GRM8: variants seen among roughly 807,000 people sequenced by gnomAD.
GRM8 encodes the protein glutamate metabotropic receptor 8, also known as metabotropic glutamate receptor 8.
A neutral mutation model predicts 87.2 loss-of-function variants in GRM8; 47 were observed. The observed-to-expected ratio is 0.54, with a 90% CI of 0.43 to 0.69. GRM8 has a LOEUF of 0.69. Among genes scored for constraint, GRM8 ranks in the 30% least tolerant of loss-of-function variants. GRM8 has a pLI of 0.00. For synonymous variants in GRM8, 396 were observed against 404.5 expected, an observed-to-expected ratio of 0.98 and a Z score of 0.25; for missense variants, 1,019 against 1,139.2, an observed-to-expected ratio of 0.89 and a Z score of 1.52.
At chr7:126,989,669 C>T (rs1388342763) in intron 3 of GRM8, among the ~76,000 whole-genome samples, 6 of 152,194 alleles carry the variant, frequency 3.9e-5, no homozygotes, top group South Asian at 2.1e-4. Flanking sequence ...GGGCTGGGCA[C>T]GGTGGCTCAT....
intron 6 of GRM8, among the ~76,000 whole-genome samples, chr7:126,825,250 T>C (rs1449884753): frequency 6.6e-6 from 1 of 152,100 alleles, no homozygotes; most frequent in Non-Finnish European, 1.5e-5. Context: ...GTATTTTTAG[T>C]AGAGACAGGG....
intron 2 of GRM8, among the ~76,000 whole-genome samples, chr7:127,230,813 T>C (rs1797640950): frequency 6.6e-6 from 1 of 151,730 alleles, no homozygotes; most frequent in African/African-American, 2.4e-5. Flanking sequence ...CTTCCAGAAA[T>C]GTGAGGGGAA....
chr7:126,792,411 C>A (rs941916741), intron 6 of GRM8, among the ~76,000 whole-genome samples: 3 of 152,186 alleles, frequency 2.0e-5, no homozygotes, highest in Non-Finnish European at 2.9e-5. Flanking sequence ...AGTCTCTCCC[C>A]AGCCCTGCTT....
chr7:126,713,916 TTAAA>T (rs1811418302), intron 7 of GRM8, among the ~76,000 whole-genome samples: 1 of 151,760 alleles, frequency 6.6e-6, no homozygotes, highest in Non-Finnish European at 1.5e-5. Context: ...CATTTTTAAA[TTAAA>T]TAAATAAATG....
rs151231846 is a variant in GRM8, at chr7:126,442,280, G to T, written c.2678-3112C>A. On this transcript the variant is annotated intron_variant, in intron 10 of 10. Transcript: ENST00000339582. ...AACCTTTCCAAAAGGTAAAATATTT[G>T]TTACATTTGGTTTGGTGTGAAGTGA... Among the ~76,000 whole-genome samples, 76 of 151,878 alleles carry T rather than the reference G, an allele frequency of 5.0e-4. No individual in the cohort carries two copies. In the East Asian group the frequency reaches 0.013, roughly 27 times the overall value.
chr7:126,745,511 G>A (rs1585755789), intron 7 of GRM8, among the ~76,000 whole-genome samples: 1 of 150,996 alleles, frequency 6.6e-6, no homozygotes, highest in Middle Eastern at 3.4e-3. Context: ...ATATTCCACA[G>A]AGAGCTCTCA....
At chr7:126,525,084 T>C (rs1435100163) in intron 9 of GRM8, among the ~76,000 whole-genome samples, 1 of 152,190 alleles carries the variant, frequency 6.6e-6, no homozygotes, top group Non-Finnish European at 1.5e-5. Flanking sequence ...AGAATTATAA[T>C]GGGAGGACCA....
chr7:126,742,581 G>A (rs1407249841), intron 7 of GRM8, among the ~76,000 whole-genome samples: 2 of 151,756 alleles, frequency 1.3e-5, no homozygotes, highest in Non-Finnish European at 2.9e-5. Flanking sequence ...AATCAACCAC[G>A]CCAAATATTT....
intron 1 of GRM8, among the ~76,000 whole-genome samples, chr7:127,244,425 G>A (rs1419577135): frequency 6.6e-6 from 1 of 152,114 alleles, no homozygotes; most frequent in East Asian, 1.9e-4. Context: ...TTTTTCCTAC[G>A]GCCTTCACCC....
intron 7 of GRM8, among the ~76,000 whole-genome samples, chr7:126,711,088 T>C (rs1811050471): frequency 6.6e-6 from 1 of 152,212 alleles, no homozygotes; most frequent in Non-Finnish European, 1.5e-5. Flanking sequence ...GGCATGAGAA[T>C]CGCTTGAACC....
At chr7:127,043,084 G>A (rs112405366) in intron 3 of GRM8, among the ~76,000 whole-genome samples, 2 of 152,110 alleles carry the variant, frequency 1.3e-5, no homozygotes, top group South Asian at 2.1e-4. Flanking sequence ...CACACCAGTT[G>A]GAATGGCGAT....
intron 6 of GRM8, among the ~76,000 whole-genome samples, chr7:126,831,748 T>C (rs1229114875): frequency 6.6e-6 from 1 of 152,094 alleles, no homozygotes; most frequent in Admixed American, 6.5e-5. Context: ...GTACCTCAGA[T>C]GGAAATGCAG....
intron 3 of GRM8, among the ~76,000 whole-genome samples, chr7:126,997,613 T>C (rs1484946328): frequency 6.7e-6 from 1 of 149,874 alleles, no homozygotes; most frequent in African/African-American, 2.4e-5. Context: ...TTACAACTGA[T>C]ACAACAGGAA....
At chr7:127,170,588 C>A (rs571491835) in intron 2 of GRM8, among the ~76,000 whole-genome samples, 1 of 152,266 alleles carries the variant, frequency 6.6e-6, no homozygotes, top group South Asian at 2.1e-4. Context: ...ATGGAACCAG[C>A]CCAAATCCCC....
At chr7:126,885,208 T>C (rs567632723) in intron 6 of GRM8, among the ~76,000 whole-genome samples, 82 of 152,314 alleles carry the variant, frequency 5.4e-4, no homozygotes, top group Non-Finnish European at 8.4e-4. Flanking sequence ...TATCCATGAA[T>C]GATGGTTGCA....
At chr7:126,771,401 G>A (rs997103292) in intron 6 of GRM8, among the ~76,000 whole-genome samples, 5 of 151,786 alleles carry the variant, frequency 3.3e-5, no homozygotes, top group Admixed American at 6.6e-5. Context: ...GGTCTGTCAT[G>A]ATGCTGAATT....
chr7:126,734,234 G>A (rs929352343), intron 7 of GRM8, among the ~76,000 whole-genome samples: 2 of 151,966 alleles, frequency 1.3e-5, no homozygotes, highest in African/African-American at 2.4e-5. Flanking sequence ...AAGTTGATCT[G>A]TAAGTTTATC....
At chr7:126,900,701 G>A in intron 6 of GRM8, among the ~76,000 whole-genome samples, 1 of 152,046 alleles carries the variant, frequency 6.6e-6, no homozygotes, top group South Asian at 2.1e-4. Context: ...GTAGAGATGG[G>A]TTTTCACCAT....
intron 3 of GRM8, among the ~76,000 whole-genome samples, chr7:126,951,323 T>C (rs531654521): frequency 2.6e-5 from 4 of 152,232 alleles, no homozygotes; most frequent in African/African-American, 7.2e-5. Flanking sequence ...GAAATGGTTA[T>C]GTGTATCAAG....
Sources: gnomAD v4.1 joint callset for allele counts (sites outside exome capture counted in the v4.1 genomes callset) on GRCh38, gnomAD v4.1.1 for gene constraint, MANE v1.5 for transcripts, NCBI Gene and HGNC (gene_info 2026-07-23, HGNC 2026-07-21) for gene names.